MIOS: variants seen among roughly 807,000 people sequenced by gnomAD.
The protein encoded by MIOS is GATOR2 complex protein MIOS.
A neutral mutation model predicts 96.9 loss-of-function variants in MIOS; 52 were observed. The ratio of observed to expected loss-of-function variants is 0.54; its 90% confidence interval spans 0.43 to 0.68. The LOEUF (loss-of-function observed/expected upper bound fraction) is 0.68. Among genes scored for constraint, MIOS ranks in the 30% least tolerant of loss-of-function variants. MIOS has a pLI of 0.00. For missense variants in MIOS, 1,005 were observed against 1,052.8 expected, an observed-to-expected ratio of 0.95 and a Z score of 0.63; for synonymous variants, 397 against 359.5, an observed-to-expected ratio of 1.10 and a Z score of -1.18.
chr7:7,599,268 C>T lies in MIOS; in HGVS notation c.2401+2807C>T, dbSNP rs116229270. ...CTCTTATTTATTAGTGAATATTCAT[C>T]TTTCACTACAGAAATACTAACGAGT... On this transcript the variant is annotated intron_variant, in intron 11 of 12. Coordinates refer to ENST00000340080, the MANE Select transcript of MIOS (RefSeq NM_019005.4). Among the ~76,000 whole-genome samples, 468 of 152,268 alleles carry T rather than the reference C, an allele frequency of 3.1e-3. 2 individuals are homozygous for T. Among genetic ancestry groups the T allele is most frequent in the African/African-American group, 0.011 (449 of 41,552 alleles).
chr7:7,597,502 A>ATT, intron 11 of MIOS, among the ~76,000 whole-genome samples: 1 of 72,746 alleles, frequency 1.4e-5, no homozygotes. Context: ...ATATATATAT[A>ATT]TATATATATA....
rs75690396 is a variant in MIOS at position 7,588,323 on chromosome 7, G to T, written c.1819-175G>T. ...AAAACCTTATTGCTGAATTTCCTAA[G>T]AGTTACATCAAGAAAGGCATCTCAG... On this transcript the variant is annotated intron_variant, in intron 7 of 12. Transcript: ENST00000340080. Among the ~76,000 whole-genome samples the T allele has an allele frequency of 4.3e-4, 65 of 152,174 alleles. No homozygotes were observed. In the East Asian group the frequency reaches 0.011, roughly 25 times the overall value.
chr7:7,599,340 T>C (rs1355644395), intron 11 of MIOS, among the ~76,000 whole-genome samples: 1 of 152,186 alleles, frequency 6.6e-6, no homozygotes, highest in Non-Finnish European at 1.5e-5. Context: ...ACATATTTGC[T>C]ACTTTTTTCT....
At chr7:7,578,748 T>C (rs1207961126) in intron 5 of MIOS, among the ~76,000 whole-genome samples, 1 of 152,052 alleles carries the variant, frequency 6.6e-6, no homozygotes, top group African/African-American at 2.4e-5. Flanking sequence ...TCTCTCTCTG[T>C]CACCCAGGCT....
Position 7,606,943 on chromosome 7 carries a change from A to G in MIOS, c.2532-53A>G. On this transcript the variant is annotated intron_variant, in intron 12 of 12. Coordinates refer to ENST00000340080, the MANE Select transcript of MIOS (RefSeq NM_019005.4). ...TCTTAAAAAATAAATAAATAAATAA[A>G]TGTATGTCTGTCTAATTTGGATTTT... The G allele has an allele frequency of 2.3e-6, 3 of 1,285,636 alleles. 1 individual carries two copies. The South Asian group carries it at 3.7e-5, about 16-fold the overall frequency. 79.6% of individuals were successfully genotyped at this position (1,285,636 alleles called of 1,614,324 possible). A position where few individuals can be genotyped will look rare whatever the true frequency, so the allele number is the denominator to read the frequency against.
chr7:7,604,760 G>A (rs866178023), intron 11 of MIOS, among the ~76,000 whole-genome samples: 8 of 151,984 alleles, frequency 5.3e-5, no homozygotes, highest in African/African-American at 1.7e-4. Context: ...TTCCAGTTTC[G>A]TCAGAAAAAT....
chr7:7,567,359 G>A (rs1158862259), intron 1 of MIOS: 1 of 152,596 alleles, frequency 6.6e-6, no homozygotes, highest in Non-Finnish European at 1.5e-5. Flanking sequence ...CCTTTCCCGG[G>A]AGGCTCAGCC....
chr7:7,582,435 A>G (rs902424716), intron 5 of MIOS, among the ~76,000 whole-genome samples: 3 of 152,214 alleles, frequency 2.0e-5, no homozygotes, highest in Admixed American at 6.5e-5. Flanking sequence ...ATTAGGATCA[A>G]CTGCCTTGAT....
At chr7:7,585,882 ATGTCTGTTGC>A in intron 7 of MIOS, 77 bp downstream of exon 7, 1 of 1,260,644 alleles carries the variant, frequency 7.9e-7, no homozygotes, top group Non-Finnish European at 1.1e-6. Context: ...AAATTTTCAA[ATGTCTGTTGC>A]ATAAAATATT....
chr7:7,574,709 A>T (rs1021468297), intron 5 of MIOS, among the ~76,000 whole-genome samples: 1 of 152,150 alleles, frequency 6.6e-6, no homozygotes, highest in Non-Finnish European at 1.5e-5. Flanking sequence ...GAATGAATTA[A>T]TTAACGTGTG....
chr7:7,585,182 T>C (rs553797322), intron 6 of MIOS, among the ~76,000 whole-genome samples: 3 of 152,294 alleles, frequency 2.0e-5, no homozygotes, highest in Admixed American at 1.3e-4. Flanking sequence ...TTGACAGTGA[T>C]TCTGGTAGGA....
chr7:7,607,003 G>A lies in MIOS; in HGVS notation c.2539G>A (p.Ala847Thr). The A allele has an allele frequency of 2.5e-6, 4 of 1,610,470 alleles. No individual in the cohort carries two copies. Among genetic ancestry groups the A allele is most frequent in the Non-Finnish European group, 3.4e-6 (4 of 1,178,200 alleles). ...TTTGACCTATTTTTTTAGGGACCAT[G>A]CAGAGTGCCCTGTGTCGGCATGCAC... ...GHMLSWFRDH[A>T]ECPVSACTCK... The change falls in exon 13 of 13, where the codon GCA (alanine) becomes ACA (threonine). Residue 847 changes from alanine (A) to threonine (T), a missense_variant. Physicochemically the swap from Ala to Thr is moderately conservative, Grantham distance 58. Transcript: ENST00000340080.
In MIOS at chr7:7,595,248, T is replaced by C. The variant is rs548428753; in HGVS notation, c.2196+116T>C. ...AGTTCCCATTGATGTCTTTGTCTTT[T>C]GTAGACTGAACTTTGTCCTTGATCT... is the stretch of plus-strand genomic sequence containing the variant. On this transcript the variant is annotated intron_variant, in intron 10 of 12. Coordinates refer to ENST00000340080, the MANE Select transcript of MIOS (RefSeq NM_019005.4). 5.3e-6 allele frequency: 6 copies of C among 1,130,140 alleles called. No homozygotes were observed. In the South Asian group the frequency reaches 8.3e-5, roughly 16 times the overall value. The allele number at this position is 1,130,140 out of a possible 1,614,324, so 70.0% of individuals were successfully genotyped here.
Position 7,596,253 on chromosome 7 carries a change from G to T in MIOS, c.2197-4G>T. On this transcript the variant is annotated splice_region_variant and splice_polypyrimidine_tract_variant and intron_variant, in intron 10 of 12. Coordinates refer to ENST00000340080, the MANE Select transcript of MIOS (RefSeq NM_019005.4). The stretch of plus-strand genomic sequence containing the variant: ...ATTTATTTTTTCTTTCATTTGTTTT[G>T]TAGGTTTTTGTGAGTTGCAATTTCT... The T allele has an allele frequency of 6.2e-7, 1 of 1,611,826 alleles. No individual in the cohort carries two copies. The highest frequency in any genetic ancestry group is 8.5e-7 in the Non-Finnish European group (1 of 1,178,882).
chr7:7,573,035 G>T lies in MIOS; in HGVS notation c.560G>T (p.Cys187Phe). Reference sequence around the variant, plus strand: ...TATGAGTTAGGACAGAATGATGCTTGTCTGTCTCTTTGTTGGCTTCCACGA... The same window carrying T: ...TATGAGTTAGGACAGAATGATGCTTTTCTGTCTCTTTGTTGGCTTCCACGA... ...PLYELGQNDA[C>F]LSLCWLPRDQ... Residue 187 changes from cysteine to phenylalanine, a missense_variant, in exon 4 of 13, where the codon TGT becomes TTT. By Grantham distance (205) the Cys-to-Phe change is radical (BLOSUM62 -2). Transcript: ENST00000340080. This position sits in a 1 kb window ranked among gnomAD's most constrained non-coding sequence, Gnocchi z 5.0. 1 of 1,613,978 alleles carries T rather than the reference G, an allele frequency of 6.2e-7. No homozygotes were observed. The highest frequency in any genetic ancestry group is 8.5e-7 in the Non-Finnish European group (1 of 1,179,934).
intron 6 of MIOS, among the ~76,000 whole-genome samples, chr7:7,583,923 T>G (rs941740128): frequency 5.3e-5 from 8 of 152,118 alleles, no homozygotes; most frequent in Admixed American, 3.3e-4. Flanking sequence ...AAGAAAGAGA[T>G]AAGGTTTTTT....
Position 7,589,430 on chromosome 7 carries a change from C to A in MIOS, c.1910C>A (p.Thr637Asn). Residue 637 changes from threonine (T) to asparagine (N), a missense_variant, in exon 9 of 13, where the codon ACC (threonine) becomes AAC (asparagine). By Grantham distance (65) the Thr-to-Asn change is moderately conservative. This residue lies in a region of MIOS where 865 missense variants were observed against 887.9 expected (regional missense o/e 0.97). Coordinates refer to ENST00000340080, the MANE Select transcript of MIOS (RefSeq NM_019005.4). ...TTAAATAGATACATCGAAAAGTTGA[C>A]CAATGAAATGAAAGAGGCTGGAAAT... ...TQLNRYIEKL[T>N]NEMKEAGNLE... The A allele has an allele frequency of 6.2e-7, 1 of 1,613,188 alleles. No homozygotes were observed. The highest frequency in any genetic ancestry group is 1.1e-5 in the South Asian group (1 of 91,006).
At chr7:7,601,445 T>TAG in intron 11 of MIOS, among the ~76,000 whole-genome samples, 1 of 151,762 alleles carries the variant, frequency 6.6e-6, no homozygotes, top group Non-Finnish European at 1.5e-5. Context: ...CATAAACACC[T>TAG]CTATGCAAAT....
rs1239166971 is a variant in MIOS, at chr7:7,585,768, T to G, written c.1781T>G (p.Phe594Cys). The change falls in exon 7 of 13, where the codon TTT (phenylalanine) becomes TGT (cysteine). Residue 594 changes from phenylalanine to cysteine, a missense_variant. Phe to Cys is a radical substitution (Grantham distance 205, BLOSUM62 -2). Coordinates refer to ENST00000340080, the MANE Select transcript of MIOS (RefSeq NM_019005.4). Reference protein sequence around the residue: ...NNPYLCVMFAFLTSETGSYDG... With the variant: ...NNPYLCVMFACLTSETGSYDG... ...CCGTATTTGTGTGTCATGTTTGCAT[T>G]TCTGACAAGTGAAACAGGATCTTAC... 6.2e-7 allele frequency: 1 copy of G among 1,611,528 alleles called. No individual in the cohort carries two copies. Among genetic ancestry groups the G allele is most frequent in the Non-Finnish European group, 8.5e-7 (1 of 1,178,858 alleles).
Sources: gnomAD v4.1 joint callset for allele counts (sites outside exome capture counted in the v4.1 genomes callset) on GRCh38, gnomAD v4.1.1 for gene constraint, gnomAD v4.1.1 regional missense constraint, Gnocchi (gnomAD v3.1) non-coding constraint, MANE v1.5 for transcripts, NCBI Gene and HGNC (gene_info 2026-07-23, HGNC 2026-07-21) for gene names.